The following DACH1 variants were observed in gnomAD, a reference collection of about 807,000 sequenced individuals.
DACH1 encodes dachshund family transcription factor 1.
A neutral mutation model predicts 54.2 loss-of-function variants in DACH1; 12 were observed. The observed-to-expected ratio is 0.22, with a 90% confidence interval of 0.14 to 0.36. The LOEUF is 0.36. Among genes scored for constraint, DACH1 ranks in the 10% least tolerant of loss-of-function variants. The pLI, the probability that DACH1 is intolerant of heterozygous loss-of-function variation, is 1.00. For synonymous variants in DACH1, 386 were observed against 366.2 expected (o/e 1.05, Z -0.62); for missense variants, 805 against 929.8 (o/e 0.87, Z 1.75).
intron 2 of DACH1, among the ~76,000 whole-genome samples, chr13:71,666,381 C>A (rs771286677): frequency 1.3e-5 from 2 of 152,020 alleles, no homozygotes; most frequent in Non-Finnish European, 2.9e-5. Flanking sequence ...TCAAAATATT[C>A]TTTATTGTGG....
Position 71,572,975 on chromosome 13 carries a change from T to C in DACH1, c.1164A>G (p.Leu388=). 6.2e-7 allele frequency: 1 copy of C among 1,614,060 alleles called. No homozygotes were observed. Among genetic ancestry groups the C allele is most frequent in the Non-Finnish European group, 8.5e-7 (1 of 1,179,980 alleles). ...ATGCTGGAGGTAGGCTGACAGGAAT[T>C]AGAGGGTGGGGCATCATCATAAAAG... The part of the protein sequence containing the change: ...ELPFMMMPHP[L]IPVSLPPASV... Residue 388 remains leucine, a synonymous_variant, in exon 4 of 11, where the codon CTA becomes CTG. Coordinates refer to ENST00000613252, the MANE Select transcript of DACH1 (RefSeq NM_080759.6).
chr13:71,621,841 G>A (rs1017972627), intron 3 of DACH1, among the ~76,000 whole-genome samples: 22 of 152,104 alleles, frequency 1.4e-4, no homozygotes, highest in Non-Finnish European at 1.3e-4. Context: ...ATTCAAAACT[G>A]TTGAAAATGA....
intron 1 of DACH1, among the ~76,000 whole-genome samples, chr13:71,860,069 A>C (rs540865528): frequency 6.6e-6 from 1 of 151,948 alleles, no homozygotes; most frequent in Admixed American, 6.6e-5. Context: ...TTAATTATTG[A>C]ACATAACAAA....
At chr13:71,528,370 A>G (rs1882153959) in intron 6 of DACH1, among the ~76,000 whole-genome samples, 1 of 151,994 alleles carries the variant, frequency 6.6e-6, no homozygotes, top group Non-Finnish European at 1.5e-5. Context: ...GTTTTCTTCA[A>G]GGAATAACAC....
chr13:71,693,912 T>G (rs949383045), intron 1 of DACH1, among the ~76,000 whole-genome samples: 1 of 152,108 alleles, frequency 6.6e-6, no homozygotes, highest in African/African-American at 2.4e-5. Context: ...ATATCCCCCA[T>G]GGGTAAAGGG....
intron 2 of DACH1, among the ~76,000 whole-genome samples, chr13:71,631,413 C>T (rs1877092718): frequency 6.6e-6 from 1 of 152,144 alleles, no homozygotes. Flanking sequence ...CCACCCTGCA[C>T]TGGAATGGTC....
Position 71,634,097 on chromosome 13 carries a change from C to T in DACH1, c.965-3380G>A, listed in dbSNP as rs565384085. Reference sequence around the variant, plus strand: ...AAGCTCTTCTTCTGTCTCAGCCTCCCGAGTAGCTGGGATTACATGCACCCA... The same window carrying T: ...AAGCTCTTCTTCTGTCTCAGCCTCCTGAGTAGCTGGGATTACATGCACCCA... On this transcript the variant is annotated intron_variant, in intron 2 of 10. Transcript: ENST00000613252. Among the ~76,000 whole-genome samples the T allele has an allele frequency of 2.2e-4, 33 of 151,888 alleles. 1 individual carries two copies. Among genetic ancestry groups the T allele is most frequent in the South Asian group, 1.2e-3 (6 of 4,812 alleles).
At chr13:71,847,873 C>T (rs1873392461) in intron 1 of DACH1, among the ~76,000 whole-genome samples, 1 of 152,154 alleles carries the variant, frequency 6.6e-6, no homozygotes, top group Admixed American at 6.5e-5. Flanking sequence ...GATGTGTTCA[C>T]AAAATATTGG....
intron 6 of DACH1, among the ~76,000 whole-genome samples, chr13:71,525,589 C>T (rs1463823221): frequency 6.6e-6 from 1 of 152,056 alleles, no homozygotes; most frequent in Non-Finnish European, 1.5e-5. Flanking sequence ...GACATGAGGA[C>T]TACCCAAGTC....
At chr13:71,640,325 T>C (rs915907523) in intron 2 of DACH1, among the ~76,000 whole-genome samples, 5 of 151,986 alleles carry the variant, frequency 3.3e-5, no homozygotes, top group Non-Finnish European at 7.4e-5. Flanking sequence ...TGTGTTTCAG[T>C]TTTATAGAAT....
At chr13:71,470,237 C>T (rs909810212) in intron 10 of DACH1, among the ~76,000 whole-genome samples, 4 of 151,406 alleles carry the variant, frequency 2.6e-5, no homozygotes, top group African/African-American at 4.8e-5. Flanking sequence ...AAAATGCAAA[C>T]GAAGAATAAA....
chr13:71,633,066 A>C (rs376999595), intron 2 of DACH1, among the ~76,000 whole-genome samples: 2 of 152,182 alleles, frequency 1.3e-5, no homozygotes, highest in African/African-American at 4.8e-5. Flanking sequence ...TGACTTCAAA[A>C]GTCTTTGTCT....
At chr13:71,702,793 T>C (rs1882214994) in intron 1 of DACH1, among the ~76,000 whole-genome samples, 1 of 152,014 alleles carries the variant, frequency 6.6e-6, no homozygotes, top group African/African-American at 2.4e-5. Context: ...AAAAAATAGA[T>C]CTCTTCTAAA....
In DACH1 at chr13:71,657,085, C is replaced by T. The variant is rs73521298; in HGVS notation, c.964+24710G>A. Among the ~76,000 whole-genome samples the T allele has an allele frequency of 4.3e-3, 653 of 150,740 alleles. 8 individuals carry two copies. The highest frequency in any genetic ancestry group is 0.015 in the African/African-American group (621 of 41,144). ...ACATATCAAACAACTGTCTCCACTG[C>T]TTCTTAGTTATAAATTATTGATCAA... On this transcript the variant is annotated intron_variant, in intron 2 of 10. Transcript: ENST00000613252.
chr13:71,658,326 G>T (rs1879273199), intron 2 of DACH1, among the ~76,000 whole-genome samples: 1 of 152,168 alleles, frequency 6.6e-6, no homozygotes, highest in Non-Finnish European at 1.5e-5. Context: ...GAGGCGGGTG[G>T]ATCACCTATG....
At chr13:71,602,268 A>G (rs1473503726) in intron 3 of DACH1, among the ~76,000 whole-genome samples, 1 of 152,088 alleles carries the variant, frequency 6.6e-6, no homozygotes. Flanking sequence ...CTAAGTAAAT[A>G]TAAAATAAAC....
chr13:71,454,724 G>A (rs1048734172), intron 10 of DACH1, among the ~76,000 whole-genome samples: 3 of 152,186 alleles, frequency 2.0e-5, no homozygotes, highest in African/African-American at 7.2e-5. Flanking sequence ...TGGAAGTGGA[G>A]TGTCCCTCAG....
At chr13:71,698,162 G>A (rs962258500) in intron 1 of DACH1, among the ~76,000 whole-genome samples, 1 of 151,828 alleles carries the variant, frequency 6.6e-6, no homozygotes, top group Admixed American at 6.6e-5. Flanking sequence ...CTCCAGCCTG[G>A]GTGACAGAGC....
chr13:71,441,151 C>A (rs919828464), intron 10 of DACH1, among the ~76,000 whole-genome samples: 2 of 152,026 alleles, frequency 1.3e-5, no homozygotes, highest in African/African-American at 2.4e-5. Context: ...AACTATTGTG[C>A]ACATTCGTTG....
Sources: gnomAD v4.1 joint callset for allele counts (sites outside exome capture counted in the v4.1 genomes callset) on GRCh38, gnomAD v4.1.1 for gene constraint, MANE v1.5 for transcripts, NCBI Gene and HGNC (gene_info 2026-07-23, HGNC 2026-07-21) for gene names.